NXPH1: variants seen among roughly 807,000 people sequenced by gnomAD.
NXPH1 encodes neurexophilin-1.
Under a neutral mutation model 23.7 loss-of-function variants are expected in NXPH1, and 5 were observed. The observed-to-expected ratio is 0.21, with a 90% CI of 0.11 to 0.44. The LOEUF (loss-of-function observed/expected upper bound fraction) is 0.44. Ranked by LOEUF, NXPH1 falls within the 20% of genes least tolerant of loss-of-function variation. The pLI is 0.99. For synonymous variants in NXPH1, 144 were observed against 122.2 expected (o/e 1.18, Z -1.18); for missense variants, 324 against 321.6 (o/e 1.01, Z -0.06).
intron 2 of NXPH1, among the ~76,000 whole-genome samples, chr7:8,443,886 A>G (rs899388456): frequency 3.9e-5 from 6 of 152,072 alleles, no homozygotes; most frequent in South Asian, 2.1e-4. Context: ...CGCCCCCTAC[A>G]AACACTCATT....
At chr7:8,647,958 C>A (rs749263605) in intron 2 of NXPH1, among the ~76,000 whole-genome samples, 1 of 151,894 alleles carries the variant, frequency 6.6e-6, no homozygotes, top group Non-Finnish European at 1.5e-5. Context: ...AATTTTTAGT[C>A]AAAATATTAC....
chr7:8,500,851 G>A (rs10248496), intron 2 of NXPH1, among the ~76,000 whole-genome samples: 6,955 of 152,082 alleles, frequency 0.046, 579 homozygotes, highest in African/African-American at 0.16. Flanking sequence ...CCATTTTTCA[G>A]ACATGTGATC....
At chr7:8,613,756 A>G (rs1583193146) in intron 2 of NXPH1, among the ~76,000 whole-genome samples, 1 of 151,788 alleles carries the variant, frequency 6.6e-6, no homozygotes, top group African/African-American at 2.4e-5. Context: ...TTTTAAGGTA[A>G]CTGGCTATAG....
intron 2 of NXPH1, among the ~76,000 whole-genome samples, chr7:8,639,509 T>C (rs1426160148): frequency 6.6e-6 from 1 of 152,226 alleles, no homozygotes; most frequent in Non-Finnish European, 1.5e-5. Context: ...TTTTTGCCGA[T>C]TTGTTGGCTG....
intron 2 of NXPH1, among the ~76,000 whole-genome samples, chr7:8,467,290 A>G (rs977857699): frequency 1.3e-5 from 2 of 152,196 alleles, no homozygotes; most frequent in South Asian, 2.1e-4. Flanking sequence ...ATTAATAGCT[A>G]AAGACTGTGA....
intron 2 of NXPH1, among the ~76,000 whole-genome samples, chr7:8,524,640 A>T (rs1409942223): frequency 6.6e-6 from 1 of 152,100 alleles, no homozygotes; most frequent in Non-Finnish European, 1.5e-5. Context: ...GAATTCCCAC[A>T]TGTTGTGGGA....
chr7:8,452,679 T>C (rs1253918901), intron 2 of NXPH1, among the ~76,000 whole-genome samples: 1 of 152,138 alleles, frequency 6.6e-6, no homozygotes, highest in African/African-American at 2.4e-5. Context: ...TTTCCATGCT[T>C]CTATTCAAAT....
chr7:8,595,040 A>G (rs899861398), intron 2 of NXPH1, among the ~76,000 whole-genome samples: 13 of 152,164 alleles, frequency 8.5e-5, no homozygotes, highest in African/African-American at 2.6e-4. Context: ...TTCTACACTA[A>G]GTGGAATCTC....
chr7:8,541,049 G>A (rs1450881701), intron 2 of NXPH1, among the ~76,000 whole-genome samples: 3 of 151,676 alleles, frequency 2.0e-5, no homozygotes, highest in Non-Finnish European at 2.9e-5. Flanking sequence ...AAACTATCAG[G>A]CATGTAAAGA....
chr7:8,470,863 A>C (rs1430637831), intron 2 of NXPH1, among the ~76,000 whole-genome samples: 1 of 151,778 alleles, frequency 6.6e-6, no homozygotes, highest in African/African-American at 2.4e-5. Context: ...TGCGATGATG[A>C]AAATTGATTT....
At position 8,435,450 on chromosome 7, in the gene NXPH1, A is replaced by G; in HGVS notation, c.-110-154A>G. Reference sequence around the variant, plus strand: ...TGCGGACCGCGCGCTTGCTGGTCTCAGGCGCTGGATTTACTCGCTTTTCAA... The same window carrying G: ...TGCGGACCGCGCGCTTGCTGGTCTCGGGCGCTGGATTTACTCGCTTTTCAA... On this transcript the variant is annotated intron_variant, in intron 1 of 2. Transcript: ENST00000405863. The surrounding 1 kb of genome is among the most constrained non-coding windows in gnomAD (Gnocchi z 5.9). 2 of 540,082 alleles carry G rather than the reference A, an allele frequency of 3.7e-6. No homozygotes were observed. Among genetic ancestry groups the G allele is most frequent in the Non-Finnish European group, 6.6e-6 (2 of 302,486 alleles). 33.5% of individuals were successfully genotyped at this position (540,082 alleles called of 1,614,324 possible).
chr7:8,555,357 C>G (rs190597603), intron 2 of NXPH1, among the ~76,000 whole-genome samples: 1 of 151,624 alleles, frequency 6.6e-6, no homozygotes, highest in Non-Finnish European at 1.5e-5. Context: ...AAGGAATCTG[C>G]TTAGACACCT....
At chr7:8,581,369 C>G (rs1185494153) in intron 2 of NXPH1, among the ~76,000 whole-genome samples, 1 of 152,062 alleles carries the variant, frequency 6.6e-6, no homozygotes, top group East Asian at 1.9e-4. Flanking sequence ...AGGGTGGCTT[C>G]GGAAACTTAC....
chr7:8,716,622 A>C (rs1348889183), intron 2 of NXPH1, among the ~76,000 whole-genome samples: 1 of 152,214 alleles, frequency 6.6e-6, no homozygotes, highest in South Asian at 2.1e-4. Flanking sequence ...TGTACTTTTC[A>C]TTGCCTTTCA....
intron 2 of NXPH1, among the ~76,000 whole-genome samples, chr7:8,720,332 G>A (rs559452698): frequency 6.6e-6 from 1 of 152,212 alleles, no homozygotes; most frequent in South Asian, 2.1e-4. Context: ...GTGATTCTAA[G>A]GCCATCTCTT....
intron 2 of NXPH1, among the ~76,000 whole-genome samples, chr7:8,689,053 T>C (rs1821189305): frequency 6.6e-6 from 1 of 152,184 alleles, no homozygotes; most frequent in Non-Finnish European, 1.5e-5. Context: ...GTTTGCTGAC[T>C]GAGTATTTGC....
At chr7:8,648,603 A>T (rs1820434534) in intron 2 of NXPH1, among the ~76,000 whole-genome samples, 1 of 152,206 alleles carries the variant, frequency 6.6e-6, no homozygotes, top group South Asian at 2.1e-4. Flanking sequence ...CTTAGCTATT[A>T]TAAACAGTGT....
chr7:8,437,331 C>T (rs1816213950), intron 2 of NXPH1, among the ~76,000 whole-genome samples: 2 of 138,832 alleles, frequency 1.4e-5, no homozygotes, highest in Admixed American at 8.5e-5. Flanking sequence ...GAAAGTTTGG[C>T]CAGAAGAAAT....
intron 2 of NXPH1, among the ~76,000 whole-genome samples, chr7:8,575,082 C>T (rs897633332): frequency 6.6e-6 from 1 of 152,108 alleles, no homozygotes; most frequent in East Asian, 1.9e-4. Context: ...GACATTAATG[C>T]TGTATCCTTT....
Sources: allele counts gnomAD v4.1 joint callset (sites outside exome capture counted in the v4.1 genomes callset), GRCh38; gene constraint gnomAD v4.1.1; non-coding constraint Gnocchi (gnomAD v3.1); transcripts MANE v1.5; gene names NCBI Gene and HGNC (gene_info 2026-07-23, HGNC 2026-07-21).